The following KCNB2 variants were observed in gnomAD, a reference collection of about 807,000 sequenced individuals.
KCNB2 encodes delayed rectifier potassium channel protein.
In KCNB2, 15 loss-of-function variants were observed where a neutral mutation model predicts 61.5. The ratio of observed to expected loss-of-function variants is 0.24; its 90% CI spans 0.16 to 0.38. KCNB2 has a LOEUF of 0.38. Ranked by LOEUF, KCNB2 falls within the 10% of genes least tolerant of loss-of-function variation. The probability of loss-of-function intolerance (pLI) is 1.00; values close to 1 mark genes in which losing one functional copy is unlikely to be tolerated. For synonymous variants in KCNB2, 457 were observed against 446.0 expected, an observed-to-expected ratio of 1.02 and a Z score of -0.31; for missense variants, 828 against 1,125.2, an observed-to-expected ratio of 0.74 and a Z score of 3.78.
rs781044890 is a variant in KCNB2 at position 72,936,275 on chromosome 8, G to A, written c.920G>A (p.Arg307His). 4 of 1,614,210 alleles carry A rather than the reference G, an allele frequency of 2.5e-6. No homozygotes were observed. The highest frequency in any genetic ancestry group is 3.4e-6 in the Non-Finnish European group (4 of 1,180,024). The change falls in exon 3 of 3, where the codon CGC becomes CAC. Residue 307 changes from arginine (R) to histidine (H), a missense_variant. Arg to His is a conservative substitution (Grantham distance 29). Coordinates refer to ENST00000523207, the MANE Select transcript of KCNB2 (RefSeq NM_004770.3). The surrounding 1 kb of genome is among the most constrained non-coding windows in gnomAD (Gnocchi z 5.6). ...GTGGTCCAGATCTTCCGAATCATGC[G>A]CATCCTCAGGATCCTGAAACTCGCC... Reference protein sequence around the residue: ...RRVVQIFRIMRILRILKLARH... With the variant: ...RRVVQIFRIMHILRILKLARH...
chr8:72,812,053 G>A (rs772587637), intron 2 of KCNB2, among the ~76,000 whole-genome samples: 9 of 152,136 alleles, frequency 5.9e-5, no homozygotes, highest in Non-Finnish European at 1.0e-4. Context: ...CTTGAGGCCA[G>A]GAGTTCAAGA....
intron 2 of KCNB2, among the ~76,000 whole-genome samples, chr8:72,897,188 G>A (rs1806003353): frequency 6.6e-6 from 1 of 151,874 alleles, no homozygotes; most frequent in Non-Finnish European, 1.5e-5. Context: ...CTTACACCTA[G>A]AATATAGTGG....
At chr8:72,693,739 G>A (rs540652010) in intron 2 of KCNB2, among the ~76,000 whole-genome samples, 25 of 152,310 alleles carry the variant, frequency 1.6e-4, no homozygotes, top group Admixed American at 3.9e-4. Flanking sequence ...GCCCTGAGAG[G>A]AAATAAAAGG....
intron 2 of KCNB2, among the ~76,000 whole-genome samples, chr8:72,743,422 A>G (rs961087589): frequency 1.3e-5 from 2 of 152,174 alleles, no homozygotes; most frequent in African/African-American, 2.4e-5. Context: ...GTTGCAAAAG[A>G]CTGCGTGTGT....
chr8:72,792,278 T>C (rs1436829848), intron 2 of KCNB2, among the ~76,000 whole-genome samples: 3 of 152,170 alleles, frequency 2.0e-5, no homozygotes, highest in Non-Finnish European at 4.4e-5. Flanking sequence ...CCCACATTTC[T>C]CTGGCTTAAT....
intron 2 of KCNB2, among the ~76,000 whole-genome samples, chr8:72,900,245 A>G (rs1398009160): frequency 1.3e-5 from 2 of 152,212 alleles, no homozygotes; most frequent in Non-Finnish European, 2.9e-5. Flanking sequence ...AGAAATAAGG[A>G]AAGAACTCCC....
rs1806949042 is a variant in KCNB2 at position 72,937,606 on chromosome 8, C to T, written c.2251C>T (p.His751Tyr). Residue 751 changes from histidine (H) to tyrosine (Y), a missense_variant, in exon 3 of 3, where the codon CAC becomes TAC. Transcript: ENST00000523207. ...TGACTTTTCGCTCACTACCCCGCAG[C>T]ACATCAGTACCATCCTCTTAGAAGA... is the stretch of plus-strand genomic sequence containing the variant. ...TADFSLTTPQHISTILLEETP... is the reference protein window; with the variant it reads ...TADFSLTTPQYISTILLEETP... 1.2e-6 allele frequency: 2 copies of T among 1,614,120 alleles called. No individual in the cohort carries two copies. Among genetic ancestry groups the T allele is most frequent in the South Asian group, 1.1e-5 (1 of 91,076 alleles).
rs370685739 is a variant in KCNB2, at chr8:72,861,147, T to C, written c.580-74788T>C. Among the ~76,000 whole-genome samples the C allele has an allele frequency of 1.1e-3, 132 of 121,844 alleles. 2 individuals carry two copies. Among genetic ancestry groups the C allele is most frequent in the African/African-American group, 3.9e-3 (124 of 32,022 alleles). 79.9% of individuals were successfully genotyped at this position (121,844 alleles called of 152,430 possible). On this transcript the variant is annotated intron_variant, in intron 2 of 2. Coordinates refer to ENST00000523207, the MANE Select transcript of KCNB2 (RefSeq NM_004770.3). ...AAGATAGTAAGATCCATAATGAGAG[T>C]GATTTTTCTTGCTTTTCAGCTTAAG...
intron 2 of KCNB2, among the ~76,000 whole-genome samples, chr8:72,684,197 T>A (rs1806810051): frequency 6.6e-6 from 1 of 152,186 alleles, no homozygotes; most frequent in African/African-American, 2.4e-5. Flanking sequence ...GAATTAGGAT[T>A]CTGGGTGGCT....
chr8:72,752,481 T>C (rs992523839), intron 2 of KCNB2, among the ~76,000 whole-genome samples: 4 of 152,150 alleles, frequency 2.6e-5, no homozygotes, highest in African/African-American at 9.7e-5. Context: ...GTCCTTCTTT[T>C]CTCCCTCACT....
chr8:72,923,733 C>G (rs1806577655), intron 2 of KCNB2, among the ~76,000 whole-genome samples: 1 of 152,050 alleles, frequency 6.6e-6, no homozygotes, highest in Non-Finnish European at 1.5e-5. Flanking sequence ...CAGAAATGGG[C>G]TAACTGGCAA....
chr8:72,561,789 A>ATATATG (rs1491494090), intron 1 of KCNB2, among the ~76,000 whole-genome samples: 1,213 of 33,524 alleles, frequency 0.036, 162 homozygotes, highest in Middle Eastern at 0.083. Flanking sequence ...ATATATATAT[A>ATATATG]CATATATATA....
rs746967403 is a variant in KCNB2 at position 72,935,997 on chromosome 8, G to A, written c.642G>A (p.Thr214=). The change falls in exon 3 of 3, where the codon ACG becomes ACA. Residue 214 remains threonine, a synonymous_variant. Transcript: ENST00000523207. ...VLSTIALSLN[T]LPELQETDEF... ...CCACCATTGCTTTGTCTCTCAATAC[G>A]CTGCCGGAGCTGCAGGAAACGGACG... The A allele has an allele frequency of 6.8e-6, 11 of 1,613,984 alleles. No individual in the cohort carries two copies. Among genetic ancestry groups the A allele is most frequent in the East Asian group, 2.2e-5 (1 of 44,882 alleles).
At chr8:72,674,360 A>G (rs73307873) in intron 2 of KCNB2, among the ~76,000 whole-genome samples, 3,424 of 152,322 alleles carry the variant, frequency 0.022, 60 homozygotes, top group South Asian at 0.074. Flanking sequence ...ATTTATGTTA[A>G]CAACATTTAA....
At chr8:72,864,419 C>G (rs1805479970) in intron 2 of KCNB2, among the ~76,000 whole-genome samples, 1 of 152,156 alleles carries the variant, frequency 6.6e-6, no homozygotes, top group Non-Finnish European at 1.5e-5. Flanking sequence ...TAAAGCTATT[C>G]TCTTTTATCC....
intron 2 of KCNB2, among the ~76,000 whole-genome samples, chr8:72,636,685 A>C (rs141541251): frequency 1.3e-5 from 2 of 152,206 alleles, no homozygotes; most frequent in East Asian, 3.9e-4. Flanking sequence ...GTTTTCTTTG[A>C]CTCCTGATAA....
At chr8:72,858,852 C>G (rs1488744469) in intron 2 of KCNB2, among the ~76,000 whole-genome samples, 1 of 152,202 alleles carries the variant, frequency 6.6e-6, no homozygotes, top group Non-Finnish European at 1.5e-5. Context: ...GGTTGCTCCT[C>G]TTCCTGGTAA....
At chr8:72,821,659 A>AAAAAAAAAAAAAAAAAAAAAAAAAAC (rs1554535735) in intron 2 of KCNB2, among the ~76,000 whole-genome samples, 1 of 117,002 alleles carries the variant, frequency 8.5e-6, no homozygotes, top group Non-Finnish European at 1.7e-5. Flanking sequence ...AAAAAAAAAA[A>AAAAAAAAAAAAAAAAAAAAAAAAAAC]ACACACACAC....
chr8:72,627,985 G>A (rs531253348), intron 2 of KCNB2, among the ~76,000 whole-genome samples: 83 of 151,314 alleles, frequency 5.5e-4, no homozygotes, highest in Admixed American at 2.0e-3. Context: ...ACAGAGTCTT[G>A]CTCTGTCACC....
Sources: allele counts gnomAD v4.1 joint callset (sites outside exome capture counted in the v4.1 genomes callset), GRCh38; gene constraint gnomAD v4.1.1; non-coding constraint Gnocchi (gnomAD v3.1); transcripts MANE v1.5; gene names NCBI Gene and HGNC (gene_info 2026-07-23, HGNC 2026-07-21).